ASTN1: variants seen among roughly 807,000 people sequenced by gnomAD.
The protein encoded by ASTN1 is astrotactin-1.
A neutral mutation model predicts 140.7 loss-of-function variants in ASTN1; 41 were observed. The observed-to-expected ratio is 0.29, with a 90% CI of 0.23 to 0.38. The LOEUF (loss-of-function observed/expected upper bound fraction) is 0.38. Ranked by LOEUF, ASTN1 falls within the 10% of genes least tolerant of loss-of-function variation. ASTN1 has a pLI of 1.00. For synonymous variants in ASTN1, 640 were observed against 652.2 expected (o/e 0.98, Z 0.29); for missense variants, 1,479 against 1,678.8 (o/e 0.88, Z 2.08).
rs1447223676 is a variant in ASTN1, at chr1:176,949,354, G to A, written c.1888-3C>T. ...ATGGGACTGAGTCCAGATGGGCACT[G>A]GCACAATCAGAAAACATCCACATAC... On this transcript the variant is annotated splice_region_variant and splice_polypyrimidine_tract_variant and intron_variant, in intron 11 of 22. Coordinates refer to ENST00000361833, the MANE Select transcript of ASTN1 (RefSeq NM_004319.3). 1 of 1,611,006 alleles carries A rather than the reference G, an allele frequency of 6.2e-7. No individual in the cohort carries two copies. The highest frequency in any genetic ancestry group is 8.5e-7 in the Non-Finnish European group (1 of 1,177,978).
At chr1:176,939,594 C>T (rs550078467) in intron 14 of ASTN1, among the ~76,000 whole-genome samples, 1 of 152,100 alleles carries the variant, frequency 6.6e-6, no homozygotes, top group Non-Finnish European at 1.5e-5. Context: ...CATACTTTCT[C>T]AAGGTGCCCT....
intron 16 of ASTN1, among the ~76,000 whole-genome samples, chr1:176,909,797 T>A (rs1670152156): frequency 6.6e-6 from 1 of 152,184 alleles, no homozygotes; most frequent in South Asian, 2.1e-4. Context: ...CTCCTAGGTA[T>A]CAGTAAGACC....
chr1:176,956,304 C>A (rs544159366), intron 11 of ASTN1, among the ~76,000 whole-genome samples: 1 of 152,064 alleles, frequency 6.6e-6, no homozygotes, highest in Non-Finnish European at 1.5e-5. Flanking sequence ...ATGAATCAGC[C>A]TCCTGTCAAC....
downstream of ASTN1, chr1:176,857,344 T>C (rs1306007935): frequency 2.1e-5 from 8 of 383,420 alleles, no homozygotes; most frequent in Admixed American, 4.5e-5. Context: ...TATATATTAA[T>C]CAAGACCTAG....
rs771185748 is a variant in ASTN1, at chr1:176,876,528, G to A, written c.3463+9C>T. ...CTTCAGAAACACTGCTAACTTCGAT[G>A]TCTCTTACCTTGAGCCTTGACATCA... On this transcript the variant is annotated intron_variant, in intron 21 of 22. Transcript: ENST00000361833. The A allele has an allele frequency of 6.2e-7, 1 of 1,614,016 alleles. No individual in the cohort carries two copies. Among genetic ancestry groups the A allele is most frequent in the Non-Finnish European group, 8.5e-7 (1 of 1,179,886 alleles).
chr1:176,907,105 G>A (rs6425403), intron 16 of ASTN1, among the ~76,000 whole-genome samples: 2 of 152,164 alleles, frequency 1.3e-5, no homozygotes, highest in South Asian at 4.2e-4. Context: ...CTTTTAACAG[G>A]CAAATGTTAA....
In ASTN1 at chr1:176,863,180, C is replaced by A. The variant is rs184624929; in HGVS notation, c.*1104G>T. ...GGATGGGCAGTGACCATGGTGGAATCCTCCTGCTTATGGTCATCAGAGAAA... is the reference window on the plus strand; with the variant it reads ...GGATGGGCAGTGACCATGGTGGAATACTCCTGCTTATGGTCATCAGAGAAA... On this transcript the variant is annotated 3_prime_UTR_variant, in exon 23 of 23. Transcript: ENST00000361833. 6.1e-6 allele frequency: 6 copies of A among 985,916 alleles called. No individual in the cohort carries two copies. The African/African-American group carries it at 1.0e-4, about 17-fold the overall frequency. The allele number at this position is 985,916 out of a possible 1,614,324, so 61.1% of individuals were successfully genotyped here.
At chr1:176,917,487 G>A (rs1368464228) in intron 16 of ASTN1, among the ~76,000 whole-genome samples, 1 of 152,198 alleles carries the variant, frequency 6.6e-6, no homozygotes, top group Non-Finnish European at 1.5e-5. Flanking sequence ...GGGCAGCAGT[G>A]TGGGCAGATC....
At chr1:177,044,500 G>A (rs1042517098) in intron 2 of ASTN1, among the ~76,000 whole-genome samples, 3 of 152,210 alleles carry the variant, frequency 2.0e-5, no homozygotes, top group South Asian at 2.1e-4. Flanking sequence ...GACCTCGGGC[G>A]CAGGCCTGGC....
downstream of ASTN1, among the ~76,000 whole-genome samples, chr1:176,859,701 T>C (rs1265946952): frequency 6.6e-6 from 1 of 152,154 alleles, no homozygotes; most frequent in Non-Finnish European, 1.5e-5. Context: ...GGAGAATCAC[T>C]TGAACCTGGG....
intron 2 of ASTN1, among the ~76,000 whole-genome samples, chr1:177,050,979 C>G (rs563722526): frequency 6.6e-6 from 1 of 152,132 alleles, no homozygotes; most frequent in Non-Finnish European, 1.5e-5. Context: ...AGCATATTTG[C>G]TAATAAGTAT....
intron 1 of ASTN1, among the ~76,000 whole-genome samples, chr1:177,130,153 T>C (rs1184353687): frequency 1.3e-5 from 2 of 152,110 alleles, no homozygotes; most frequent in African/African-American, 4.8e-5. Context: ...CCTTTGCAAA[T>C]ATAATTGACA....
intron 2 of ASTN1, among the ~76,000 whole-genome samples, chr1:177,045,689 G>A (rs1021875418): frequency 8.5e-5 from 13 of 152,168 alleles, no homozygotes; most frequent in African/African-American, 2.9e-4. Flanking sequence ...ACCTTTTGGT[G>A]TCTTTAGCCA....
At position 176,949,333 on chromosome 1, in the gene ASTN1, G is replaced by A. The variant is rs773314594; in HGVS notation, c.1906C>T (p.Pro636Ser). 6.2e-7 allele frequency: 1 copy of A among 1,613,994 alleles called. No homozygotes were observed. Among genetic ancestry groups the A allele is most frequent in the East Asian group, 2.2e-5 (1 of 44,868 alleles). The change falls in exon 12 of 23, where the codon CCC becomes TCC. Residue 636 changes from proline to serine, a missense_variant. Coordinates refer to ENST00000361833, the MANE Select transcript of ASTN1 (RefSeq NM_004319.3). ...TAGCAGCCAGAGCTGTCCTTCATGG[G>A]ACTGAGTCCAGATGGGCACTGGCAC... ...TGCVCPSGLS[P>S]MKDSSGCYDR... is the part of the protein sequence containing the mutation.
At chr1:177,160,101 T>C (rs1311396383) in intron 1 of ASTN1, among the ~76,000 whole-genome samples, 1 of 152,208 alleles carries the variant, frequency 6.6e-6, no homozygotes, top group East Asian at 1.9e-4. Flanking sequence ...GCTCCTTTTG[T>C]TCAACCATGA....
chr1:177,024,433 C>T, intron 6 of ASTN1, 150 bp downstream of exon 6: 1 of 1,010,612 alleles, frequency 9.9e-7, no homozygotes, highest in South Asian at 1.9e-5. Context: ...ATGGGCAATA[C>T]AATTGTATCC....
intron 15 of ASTN1, among the ~76,000 whole-genome samples, chr1:176,935,761 TTCTCTCTCTCTCTC>T (rs879671358): frequency 6.7e-6 from 1 of 148,794 alleles, no homozygotes; most frequent in Non-Finnish European, 1.5e-5. Flanking sequence ...CTCTCTCTCT[TTCTCTCTCTCTCTC>T]TCTCTCTTTC....
intron 1 of ASTN1, among the ~76,000 whole-genome samples, chr1:177,090,501 C>G (rs1275458385): frequency 6.6e-6 from 1 of 151,888 alleles, no homozygotes; most frequent in Non-Finnish European, 1.5e-5. Flanking sequence ...ATAAATAAAC[C>G]ATCAGAATTG....
At chr1:177,034,703 A>T (rs1676626742) in intron 2 of ASTN1, among the ~76,000 whole-genome samples, 2 of 152,014 alleles carry the variant, frequency 1.3e-5, no homozygotes, top group Admixed American at 6.6e-5. Flanking sequence ...ATTTTTTTTT[A>T]GCAGAACCTG....
Sources: gnomAD v4.1 joint callset for allele counts (sites outside exome capture counted in the v4.1 genomes callset) on GRCh38, gnomAD v4.1.1 for gene constraint, MANE v1.5 for transcripts, NCBI Gene and HGNC (gene_info 2026-07-23, HGNC 2026-07-21) for gene names.